OGA: variants seen among roughly 807,000 people sequenced by gnomAD.
OGA encodes the protein protein O-GlcNAcase.
In OGA, 21 loss-of-function variants were observed where a neutral mutation model predicts 102.0. That is an observed-to-expected ratio of 0.21 (90% CI 0.15 to 0.30). OGA has a LOEUF of 0.30. Ranked by LOEUF, OGA falls within the 10% of genes least tolerant of loss-of-function variation. The probability of loss-of-function intolerance (pLI) is 1.00; values close to 1 mark genes in which losing one functional copy is unlikely to be tolerated. For synonymous variants in OGA, 408 were observed against 378.2 expected (o/e 1.08, Z -0.91); for missense variants, 765 against 1,107.8 (o/e 0.69, Z 4.39).
rs180731268 is a variant in OGA, at chr10:101,804,538, G to A, written c.752-519C>T. The stretch of plus-strand genomic sequence containing the variant: ...TCCGCCTGCCTCGGCCTCCCAAAGT[G>A]CTGGGATTACAGGCGTGAGCCACTG... On this transcript the variant is annotated intron_variant, in intron 6 of 15. Transcript: ENST00000361464. 4.6e-5 allele frequency among the ~76,000 whole-genome samples: 7 copies of A among 152,220 alleles called. No homozygotes were observed. The East Asian group carries it at 1.4e-3, about 29-fold the overall frequency.
intron 14 of OGA, 32 bp from the exon 15 acceptor site, chr10:101,787,555 A>G: frequency 6.4e-7 from 1 of 1,572,016 alleles, no homozygotes; most frequent in Non-Finnish European, 8.7e-7. Flanking sequence ...GACTTTCACA[A>G]TAGTTACGCA....
chr10:101,817,784 C>T (rs1564653463), intron 1 of OGA, 40 bp downstream of exon 1: 2 of 1,533,352 alleles, frequency 1.3e-6, no homozygotes, highest in East Asian at 2.5e-5. Context: ...GAGGACAGAA[C>T]GTGTTAGTGC....
chr10:101,806,266 G>T (rs545812604), intron 5 of OGA, 123 bp from the exon 6 acceptor site: 1 of 567,422 alleles, frequency 1.8e-6, no homozygotes. Flanking sequence ...GCAGTGGCAC[G>T]ATCTCGGCTC....
chr10:101,790,265 GTTT>G (rs869235919), intron 14 of OGA, among the ~76,000 whole-genome samples: 8,877 of 85,586 alleles, frequency 0.1, 149 homozygotes, highest in Middle Eastern at 0.16. Context: ...ATAATATCTT[GTTT>G]TTTTTTTTTT....
chr10:101,797,593 G>A, intron 10 of OGA: 1 of 338,378 alleles, frequency 3.0e-6, no homozygotes, highest in South Asian at 4.2e-5. Context: ...GTTAAACATA[G>A]CATTAATGTT....
intron 13 of OGA, 69 bp downstream of exon 13, chr10:101,791,285 C>A: frequency 7.5e-7 from 1 of 1,333,134 alleles, no homozygotes; most frequent in Non-Finnish European, 1.1e-6. Context: ...TTCCAGTCAT[C>A]ACCTCCCCTC....
At position 101,791,107 on chromosome 10, in the gene OGA, G is replaced by C; in HGVS notation, c.2262-19C>G. On this transcript the variant is annotated intron_variant, in intron 13 of 15. Coordinates refer to ENST00000361464, the MANE Select transcript of OGA (RefSeq NM_012215.5). ...TACTAACCTGCTCAGAAGGAAAGAG[G>C]CCACAGTAAACTTTTCAGTTGCTAA... The C allele has an allele frequency of 1.9e-6, 3 of 1,579,570 alleles. No individual in the cohort carries two copies. The highest frequency in any genetic ancestry group is 2.6e-6 in the Non-Finnish European group (3 of 1,167,966).
chr10:101,803,399 G>GC (rs2065422210), intron 7 of OGA, among the ~76,000 whole-genome samples: 2 of 147,692 alleles, frequency 1.4e-5, no homozygotes, highest in Admixed American at 6.8e-5. Flanking sequence ...AGGCTGGAGT[G>GC]CATTTCCTGG....
rs931754873 is a variant in OGA at position 101,817,419 on chromosome 10, A to C, written c.199+405T>G. Among the ~76,000 whole-genome samples the C allele has an allele frequency of 1.6e-4, 24 of 152,242 alleles. 1 individual carries two copies. The highest frequency in any genetic ancestry group is 1.5e-3 in the Admixed American group (23 of 15,286). On this transcript the variant is annotated intron_variant, in intron 1 of 15. Coordinates refer to ENST00000361464, the MANE Select transcript of OGA (RefSeq NM_012215.5). ...TTCACTCCAGAAGTACAAGCACGTC[A>C]GTGTGGGCCGATTTTCCACAAAGGG...
Position 101,785,673 on chromosome 10 carries a change from G to A in OGA, c.*778C>T, listed in dbSNP as rs541243118. 1.3e-5 allele frequency: 2 copies of A among 152,702 alleles called. No homozygotes were observed. Among genetic ancestry groups the A allele is most frequent in the African/African-American group, 4.8e-5 (2 of 41,554 alleles). The allele number at this position is 152,702 out of a possible 1,614,324, so 9.5% of individuals were successfully genotyped here. A position where few individuals can be genotyped will look rare whatever the true frequency, so the allele number is the denominator to read the frequency against. ...AGTAAAGAAAATCCACTTTTCACTGGTTTACATTATTCAAAGTGCCATTCT... is the reference window on the plus strand; with the variant it reads ...AGTAAAGAAAATCCACTTTTCACTGATTTACATTATTCAAAGTGCCATTCT... On this transcript the variant is annotated 3_prime_UTR_variant, in exon 16 of 16. Coordinates refer to ENST00000361464, the MANE Select transcript of OGA (RefSeq NM_012215.5).
intron 10 of OGA, 110 bp downstream of exon 10, chr10:101,797,870 G>T: frequency 9.0e-7 from 1 of 1,105,512 alleles, no homozygotes; most frequent in Non-Finnish European, 1.3e-6. Flanking sequence ...GCAACGAATT[G>T]AAGAGACTTG....
chr10:101,810,206 G>A lies in OGA; in HGVS notation c.458C>T (p.Thr153Ile), dbSNP rs781423197. ...TACCTGGTCCAATTTACGTTTCAAT[G>A]TGGATACTTCCTTGGGGTTAGAAAA... is the stretch of plus-strand genomic sequence containing the variant. ...ITFSNPKEVS[T>I]LKRKLDQVSQ... Residue 153 changes from threonine to isoleucine, a missense_variant, in exon 4 of 16, where the codon ACA (threonine) becomes ATA (isoleucine). This residue lies in a region of OGA where 165 missense variants were observed against 249.7 expected (regional missense o/e 0.66). Transcript: ENST00000361464. 1.2e-6 allele frequency: 2 copies of A among 1,611,298 alleles called. No homozygotes were observed. Among genetic ancestry groups the A allele is most frequent in the Non-Finnish European group, 1.7e-6 (2 of 1,178,682 alleles).
At chr10:101,804,159 C>T (rs2065435509) in intron 6 of OGA, 140 bp from the exon 7 acceptor site, 1 of 499,008 alleles carries the variant, frequency 2.0e-6, no homozygotes, top group East Asian at 3.0e-5. Flanking sequence ...GCCTGGGCAA[C>T]ACAGCGAGAC....
In OGA at chr10:101,799,192, T is replaced by C; in HGVS notation, c.1459A>G (p.Ile487Val). The part of the protein sequence containing the change: ...HKNDNQILSE[I>V]VEAKMAEELK... Reference sequence around the variant, plus strand: ...TCCTCTGCCATTTTCGCTTCAACAATTTCACTCAGTATTTGATTGTCATTC... The same window carrying C: ...TCCTCTGCCATTTTCGCTTCAACAACTTCACTCAGTATTTGATTGTCATTC... Residue 487 changes from isoleucine to valine, a missense_variant, in exon 9 of 16, where the codon ATT (isoleucine) becomes GTT (valine). Ile to Val is a conservative substitution (Grantham distance 29). Transcript: ENST00000361464. The C allele has an allele frequency of 6.2e-7, 1 of 1,614,258 alleles. No homozygotes were observed. Among genetic ancestry groups the C allele is most frequent in the Non-Finnish European group, 8.5e-7 (1 of 1,180,040 alleles).
chr10:101,817,726 T>C (rs2065656827), intron 1 of OGA, 98 bp downstream of exon 1: 1 of 1,364,876 alleles, frequency 7.3e-7, no homozygotes, highest in African/African-American at 1.5e-5. Context: ...ACCCAGAGGC[T>C]TTCCGGCCTT....
intron 5 of OGA, among the ~76,000 whole-genome samples, chr10:101,806,949 CTAAA>C: frequency 6.6e-6 from 1 of 152,130 alleles, no homozygotes; most frequent in South Asian, 2.1e-4. Flanking sequence ...AGCCCGGTCT[CTAAA>C]TAAATAATAC....
In OGA at chr10:101,790,966, A is replaced by G. The variant is rs1369286746; in HGVS notation, c.2384T>C (p.Ile795Thr). The G allele has an allele frequency of 1.2e-6, 2 of 1,613,798 alleles. No homozygotes were observed. The highest frequency in any genetic ancestry group is 1.7e-6 in the Non-Finnish European group (2 of 1,179,874). Residue 795 changes from isoleucine to threonine, a missense_variant, in exon 14 of 16, where the codon ATT becomes ACT. By Grantham distance (89) the Ile-to-Thr change is moderately conservative. This residue lies in a region of OGA where 146 missense variants were observed against 269.7 expected (regional missense o/e 0.54). Transcript: ENST00000361464. The stretch of plus-strand genomic sequence containing the variant: ...CTCCTGCATGAAGGGGATCCAGGAA[A>G]TTTTACATTTTTTAATAAAGGGGGT... ...DVTPFIKKCK[I>T]SWIPFMQEKY...
Position 101,798,020 on chromosome 10 carries a change from C to T in OGA, c.1944G>A (p.Lys648=). The change falls in exon 10 of 16, where the codon AAG becomes AAA. Residue 648 remains lysine, a synonymous_variant. Transcript: ENST00000361464. ...AAGACTTCACCATAGACATTATACT[C>T]TTGATATCCCAAACATAGGAGTACA... ...YDMYSYVWDI[K]SIMSMVKSFV... is the part of the protein sequence containing the mutation. The T allele has an allele frequency of 1.9e-6, 3 of 1,613,934 alleles. No individual in the cohort carries two copies. The highest frequency in any genetic ancestry group is 2.5e-6 in the Non-Finnish European group (3 of 1,179,908).
Position 101,817,851 on chromosome 10 carries a change from G to C in OGA, c.172C>G (p.Arg58Gly). 1 of 1,542,218 alleles carries C rather than the reference G, an allele frequency of 6.5e-7. No individual in the cohort carries two copies. Among genetic ancestry groups the C allele is most frequent in the Non-Finnish European group, 8.7e-7 (1 of 1,147,504 alleles). ...AAVAGAAGGA[R>G]RFLCGVVEGF... ...TCCACCACACCGCAGAGGAACCGCC[G>C]AGCCCCTCCTGCAGCCCCGGCCACC... is the stretch of plus-strand genomic sequence containing the variant. The change falls in exon 1 of 16, where the codon CGG becomes GGG. Residue 58 changes from arginine to glycine, a missense_variant. Transcript: ENST00000361464.
Sources: allele counts gnomAD v4.1 joint callset (sites outside exome capture counted in the v4.1 genomes callset), GRCh38; gene constraint gnomAD v4.1.1; regional missense constraint gnomAD v4.1.1; transcripts MANE v1.5; gene names NCBI Gene and HGNC (gene_info 2026-07-23, HGNC 2026-07-21).